FSTL4: variants seen among roughly 807,000 people sequenced by gnomAD.
FSTL4 encodes the protein follistatin like 4, also known as follistatin-related protein 4.
Under a neutral mutation model 78.2 loss-of-function variants are expected in FSTL4, and 28 were observed. The observed-to-expected ratio is 0.36, with a 90% CI of 0.27 to 0.49. The LOEUF (loss-of-function observed/expected upper bound fraction) is 0.49. Among genes scored for constraint, FSTL4 ranks in the 20% least tolerant of loss-of-function variants. The pLI, the probability that FSTL4 is intolerant of heterozygous loss-of-function variation, is 0.98. For synonymous variants in FSTL4, 422 were observed against 440.5 expected, an observed-to-expected ratio of 0.96 and a Z score of 0.53; for missense variants, 922 against 1,084.9, an observed-to-expected ratio of 0.85 and a Z score of 2.11.
chr5:133,717,482 A>G, the FSTL4 span, among the ~76,000 whole-genome samples: 1 of 152,220 alleles, frequency 6.6e-6, no homozygotes, highest in African/African-American at 2.4e-5. Context: ...ATGTTGATGC[A>G]TTTTGATAAA....
intron 4 of FSTL4, among the ~76,000 whole-genome samples, chr5:133,358,395 G>A (rs1039176440): frequency 1.3e-5 from 2 of 151,974 alleles, no homozygotes; most frequent in African/African-American, 2.4e-5. Context: ...GAGGAATGAC[G>A]GCCTTACGTG....
intron 4 of FSTL4, among the ~76,000 whole-genome samples, chr5:133,389,447 G>T (rs1348546850): frequency 1.3e-5 from 2 of 152,186 alleles, no homozygotes; most frequent in African/African-American, 4.8e-5. Flanking sequence ...CTGCAGGTGG[G>T]TGGGAAGGAG....
chr5:133,199,078 GCTCTGCT>G lies in FSTL4; in HGVS notation c.*10_*16del. 6.9e-7 allele frequency: 1 copy of G among 1,458,096 alleles called. No homozygotes were observed. The highest frequency in any genetic ancestry group is 9.3e-7 in the Non-Finnish European group (1 of 1,080,468). 90.3% of individuals were successfully genotyped at this position (1,458,096 alleles called of 1,614,324 possible). On this transcript the variant is annotated 3_prime_UTR_variant, in exon 16 of 16. Transcript: ENST00000265342. This position sits in a 1 kb window ranked among gnomAD's most constrained non-coding sequence, Gnocchi z 4.4. ...ACTAGGGGGTGTTCCTTGGCCCAGG[GCTCTGCT>G]CTGGGCCCTTCATACCTCACCCACC...
chr5:133,264,890 T>C (rs1253156490), intron 6 of FSTL4, among the ~76,000 whole-genome samples: 1 of 152,198 alleles, frequency 6.6e-6, no homozygotes. Flanking sequence ...GATGTGGGGC[T>C]TGCCTTAGGA....
the FSTL4 span, among the ~76,000 whole-genome samples, chr5:133,708,048 G>T: frequency 6.6e-6 from 1 of 150,612 alleles, no homozygotes; most frequent in Admixed American, 6.6e-5. Context: ...ACATGATATT[G>T]TCAGTAACTA....
In FSTL4 at chr5:133,400,813, A is replaced by G. The variant is rs1561703311; in HGVS notation, c.334T>C (p.Cys112Arg). 1.9e-6 allele frequency: 3 copies of G among 1,614,016 alleles called. No individual in the cohort carries two copies. Among genetic ancestry groups the G allele is most frequent in the Non-Finnish European group, 2.5e-6 (3 of 1,179,940 alleles). Residue 112 changes from cysteine (C) to arginine (R), a missense_variant, in exon 4 of 16, where the codon TGT becomes CGT. Transcript: ENST00000265342. ...GSDGRFYENHCKLHRAACLLG... is the reference protein window; with the variant it reads ...GSDGRFYENHRKLHRAACLLG... ...AGGCAAGCAGCACGGTGGAGCTTAC[A>G]GTGGTTTTCATAAAACCTCCCATCA...
chr5:133,483,930 C>G (rs1758079627), intron 3 of FSTL4, among the ~76,000 whole-genome samples: 2 of 152,202 alleles, frequency 1.3e-5, no homozygotes, highest in South Asian at 4.1e-4. Context: ...TGCAGCCTGC[C>G]AGGCCTCCAA....
chr5:133,424,603 C>T (rs927751789), intron 3 of FSTL4, among the ~76,000 whole-genome samples: 13 of 152,170 alleles, frequency 8.5e-5, no homozygotes, highest in African/African-American at 2.9e-4. Context: ...TCAAGCACTA[C>T]AGGAATACGT....
chr5:133,526,631 G>GT (rs1428658697), intron 3 of FSTL4, among the ~76,000 whole-genome samples: 1 of 152,186 alleles, frequency 6.6e-6, no homozygotes, highest in Non-Finnish European at 1.5e-5. Context: ...GAGCTGGCCA[G>GT]TGGTGAGAAG....
intron 3 of FSTL4, among the ~76,000 whole-genome samples, chr5:133,413,630 C>T (rs564445750): frequency 6.6e-6 from 1 of 152,210 alleles, no homozygotes; most frequent in African/African-American, 2.4e-5. Context: ...TATCTCTATT[C>T]CATTATTTTT....
At chr5:133,314,785 A>T (rs763928050) in intron 5 of FSTL4, among the ~76,000 whole-genome samples, 4 of 152,146 alleles carry the variant, frequency 2.6e-5, no homozygotes, top group Non-Finnish European at 4.4e-5. Flanking sequence ...TCCTTACAGC[A>T]GAGGATGGTC....
chr5:133,782,985 C>T, the FSTL4 span, among the ~76,000 whole-genome samples: 1 of 152,214 alleles, frequency 6.6e-6, no homozygotes, highest in East Asian at 1.9e-4. Context: ...CTTCTGTAGG[C>T]ATTCCAATGA....
At chr5:133,406,206 A>C (rs998438579) in intron 3 of FSTL4, among the ~76,000 whole-genome samples, 4 of 152,198 alleles carry the variant, frequency 2.6e-5, no homozygotes, top group African/African-American at 9.6e-5. Context: ...ACCTGGGGGA[A>C]GGAGAGAGTG....
chr5:133,797,094 T>C, the FSTL4 span, among the ~76,000 whole-genome samples: 896 of 152,324 alleles, frequency 5.9e-3, 7 homozygotes, highest in African/African-American at 0.02. Context: ...TGAGTGACCA[T>C]GGCCTGGCAA....
chr5:133,500,026 C>T (rs982368203), intron 3 of FSTL4, among the ~76,000 whole-genome samples: 12 of 152,078 alleles, frequency 7.9e-5, no homozygotes, highest in African/African-American at 1.4e-4. Context: ...ATGTATAGGG[C>T]GCTTCATAAA....
intron 3 of FSTL4, among the ~76,000 whole-genome samples, chr5:133,490,594 C>A (rs1372468703): frequency 3.9e-5 from 6 of 152,288 alleles, no homozygotes; most frequent in African/African-American, 1.4e-4. Context: ...TTATTGCTTG[C>A]TTCTAAACTT....
At chr5:133,348,536 G>A (rs928801809) in intron 4 of FSTL4, among the ~76,000 whole-genome samples, 1 of 152,240 alleles carries the variant, frequency 6.6e-6, no homozygotes, top group Non-Finnish European at 1.5e-5. Context: ...CATGGGAAAG[G>A]GGCTGCAAGC....
chr5:133,449,613 A>G (rs911534550), intron 3 of FSTL4, among the ~76,000 whole-genome samples: 2 of 152,202 alleles, frequency 1.3e-5, no homozygotes, highest in African/African-American at 4.8e-5. Flanking sequence ...TTACAGGGAG[A>G]GCCTTCCTCA....
chr5:133,784,861 T>A, the FSTL4 span, among the ~76,000 whole-genome samples: 1 of 152,182 alleles, frequency 6.6e-6, no homozygotes, highest in African/African-American at 2.4e-5. Flanking sequence ...AAAATTCTCC[T>A]CCTAGTTTCT....
Sources: gnomAD v4.1 joint callset for allele counts (sites outside exome capture counted in the v4.1 genomes callset) on GRCh38, gnomAD v4.1.1 for gene constraint, Gnocchi (gnomAD v3.1) non-coding constraint, MANE v1.5 for transcripts, NCBI Gene and HGNC (gene_info 2026-07-23, HGNC 2026-07-21) for gene names.